DENND6A: variants seen among roughly 807,000 people sequenced by gnomAD.
DENND6A encodes the protein DENN domain containing 6A.
A neutral mutation model predicts 95.5 loss-of-function variants in DENND6A; 43 were observed. That is an observed-to-expected ratio of 0.45 (90% CI 0.35 to 0.58). DENND6A has a LOEUF of 0.58. Ranked by LOEUF, DENND6A falls within the 20% of genes least tolerant of loss-of-function variation. DENND6A has a pLI of 0.00. For synonymous variants in DENND6A, 257 were observed against 260.4 expected, an observed-to-expected ratio of 0.99 and a Z score of 0.13; for missense variants, 574 against 736.0, an observed-to-expected ratio of 0.78 and a Z score of 2.55.
At chr3:57,669,396 T>TA (rs1184825118) in intron 3 of DENND6A, among the ~76,000 whole-genome samples, 2 of 151,778 alleles carry the variant, frequency 1.3e-5, no homozygotes, top group East Asian at 3.9e-4. Context: ...GTGCAGCACA[T>TA]AAAAAAAGCA....
chr3:57,681,619 G>GT (rs2077166144), intron 1 of DENND6A, among the ~76,000 whole-genome samples: 1 of 93,704 alleles, frequency 1.1e-5, no homozygotes, highest in Non-Finnish European at 2.2e-5. Flanking sequence ...GCAAGACCCT[G>GT]TTAAAAAAAA....
chr3:57,629,292 C>A (rs2070606545), intron 18 of DENND6A, among the ~76,000 whole-genome samples: 1 of 152,158 alleles, frequency 6.6e-6, no homozygotes, highest in Non-Finnish European at 1.5e-5. Context: ...TTCGGATATG[C>A]TCTTCCTGGG....
At chr3:57,642,842 C>T (rs1158772517) in intron 11 of DENND6A, among the ~76,000 whole-genome samples, 1 of 151,996 alleles carries the variant, frequency 6.6e-6, no homozygotes. Context: ...CCCATCTCTA[C>T]TAAAAATACA....
chr3:57,630,482 G>T lies in DENND6A; in HGVS notation c.1559C>A (p.Thr520Asn). The change falls in exon 18 of 20, where the codon ACC becomes AAC. Residue 520 changes from threonine (T) to asparagine (N), a missense_variant. Physicochemically the swap from Thr to Asn is moderately conservative, Grantham distance 65 (BLOSUM62 0). This residue lies in a region of DENND6A where 452 missense variants were observed against 630.9 expected (regional missense o/e 0.72). Coordinates refer to ENST00000311128, the MANE Select transcript of DENND6A (RefSeq NM_152678.3). ...TTTTTGGGTCATTTCCTTCCTCCGG[G>T]TCTTAAACCAGCCATCAAAATTTGG... ...KSPNFDGWFK[T>N]RRKEMTQKLE... is the part of the protein sequence containing the mutation. 1 of 1,593,002 alleles carries T rather than the reference G, an allele frequency of 6.3e-7. No homozygotes were observed. The highest frequency in any genetic ancestry group is 2.2e-5 in the East Asian group (1 of 44,648).
At chr3:57,648,354 CACAA>C (rs1377661872) in intron 9 of DENND6A, among the ~76,000 whole-genome samples, 1 of 152,104 alleles carries the variant, frequency 6.6e-6, no homozygotes, top group Non-Finnish European at 1.5e-5. Context: ...TCACAGACGA[CACAA>C]ACAAATGGAA....
chr3:57,628,723 G>A (rs750856488), intron 19 of DENND6A, 88 bp downstream of exon 19: 25 of 1,358,860 alleles, frequency 1.8e-5, no homozygotes, highest in Non-Finnish European at 2.3e-5. Context: ...AGTTACTTCT[G>A]CGAACTATCA....
rs774008069 is a variant in DENND6A, at chr3:57,646,329, A to G, written c.928T>C (p.Leu310=). ...AAATAGACTCACTTAACAAGTGCCAATACAGTCTCTGATGATTCCGATGGT... is the reference window on the plus strand; with the variant it reads ...AAATAGACTCACTTAACAAGTGCCAGTACAGTCTCTGATGATTCCGATGGT... ...PSPSESSETV[L]ALVNCISPLK... Residue 310 remains leucine (L), a synonymous_variant, in exon 10 of 20, where the codon TTG becomes CTG. Transcript: ENST00000311128. 6 of 1,613,160 alleles carry G rather than the reference A, an allele frequency of 3.7e-6. No homozygotes were observed. Among genetic ancestry groups the G allele is most frequent in the South Asian group, 1.1e-5 (1 of 90,832 alleles).
chr3:57,644,566 C>T lies in DENND6A; in HGVS notation c.1037+1095G>A, dbSNP rs922352789. The stretch of plus-strand genomic sequence containing the variant: ...TAAGTGATCTGCCCGCCTCAGCCTA[C>T]CAAAGTGCTGGGATTACAGGCATGG... On this transcript the variant is annotated intron_variant, in intron 11 of 19. Transcript: ENST00000311128. Among the ~76,000 whole-genome samples, 11 of 150,364 alleles carry T rather than the reference C, an allele frequency of 7.3e-5. 1 individual carries two copies. The South Asian group carries it at 2.1e-3, about 29-fold the overall frequency.
In DENND6A at chr3:57,628,268, G is replaced by T; in HGVS notation, c.1773C>A (p.Ile591=). ...CTTGCAAGTCCTCTGGCAATGCTAA[G>T]ATAATGGCATCTATGTGTGTCCGTA... ...EKLRTHIDAI[I]LALPEDLQGI... is the part of the protein sequence containing the mutation. Residue 591 remains isoleucine, a synonymous_variant, in exon 20 of 20, where the codon ATC becomes ATA. Transcript: ENST00000311128. The T allele has an allele frequency of 6.2e-7, 1 of 1,614,132 alleles. No homozygotes were observed. The highest frequency in any genetic ancestry group is 2.2e-5 in the East Asian group (1 of 44,882).
intron 11 of DENND6A, 68 bp from the exon 12 acceptor site, chr3:57,641,815 T>A: frequency 7.4e-7 from 1 of 1,352,814 alleles, no homozygotes; most frequent in South Asian, 1.2e-5. Context: ...CAGTGAAGAA[T>A]AGTTTACTTT....
chr3:57,689,135 A>G (rs1407434022), intron 1 of DENND6A, among the ~76,000 whole-genome samples: 2 of 151,992 alleles, frequency 1.3e-5, no homozygotes, highest in African/African-American at 4.8e-5. Context: ...TTGTATTTTT[A>G]GTAGAGACGG....
intron 12 of DENND6A, among the ~76,000 whole-genome samples, chr3:57,639,773 G>A (rs553739669): frequency 1.3e-5 from 2 of 150,576 alleles, no homozygotes; most frequent in African/African-American, 5.0e-5. Flanking sequence ...GAAGCCCTTT[G>A]CTTTTTCCTC....
At chr3:57,668,731 T>C (rs1411911273) in intron 3 of DENND6A, among the ~76,000 whole-genome samples, 1 of 152,220 alleles carries the variant, frequency 6.6e-6, no homozygotes, top group East Asian at 1.9e-4. Flanking sequence ...CAGTCTAACA[T>C]GCTGTTTAAG....
intron 19 of DENND6A, 141 bp from the exon 20 acceptor site, chr3:57,628,486 C>T: frequency 8.2e-7 from 1 of 1,212,598 alleles, no homozygotes; most frequent in Admixed American, 3.2e-5. Flanking sequence ...ACTAAAAAAG[C>T]AAGGAGCATT....
chr3:57,691,669 C>CAAAAAA (rs71091304), intron 1 of DENND6A, among the ~76,000 whole-genome samples: 36 of 93,574 alleles, frequency 3.8e-4, no homozygotes, highest in East Asian at 1.3e-3. Flanking sequence ...TCACCAATAC[C>CAAAAAA]AAAAAAAAAA....
At chr3:57,662,730 C>G (rs116713660) in intron 5 of DENND6A, among the ~76,000 whole-genome samples, 3,629 of 152,050 alleles carry the variant, frequency 0.024, 69 homozygotes, top group Non-Finnish European at 0.035. Flanking sequence ...CTGTAACTTA[C>G]TGTCAGGAAT....
At chr3:57,677,449 C>CA (rs1265881309) in intron 1 of DENND6A, among the ~76,000 whole-genome samples, 1 of 83,198 alleles carries the variant, frequency 1.2e-5, no homozygotes, top group African/African-American at 4.7e-5. Context: ...TTTTTTGAGA[C>CA]AGAGTCTCCA....
At chr3:57,685,837 A>T (rs1376239646) in intron 1 of DENND6A, among the ~76,000 whole-genome samples, 1 of 152,202 alleles carries the variant, frequency 6.6e-6, no homozygotes, top group African/African-American at 2.4e-5. Flanking sequence ...CATGAAGAAA[A>T]GCCATACATA....
intron 9 of DENND6A, among the ~76,000 whole-genome samples, chr3:57,648,072 T>C (rs1186977191): frequency 6.6e-6 from 1 of 152,176 alleles, no homozygotes; most frequent in Non-Finnish European, 1.5e-5. Flanking sequence ...GAATTTAAAC[T>C]GTCACTGTTT....
Sources: allele counts gnomAD v4.1 joint callset (sites outside exome capture counted in the v4.1 genomes callset), GRCh38; gene constraint gnomAD v4.1.1; regional missense constraint gnomAD v4.1.1; transcripts MANE v1.5; gene names NCBI Gene and HGNC (gene_info 2026-07-23, HGNC 2026-07-21).